Variants in MDGA2 observed in about 807,000 individuals in gnomAD.
The protein encoded by MDGA2 is MAM domain-containing glycosylphosphatidylinositol anchor protein 2.
Under a neutral mutation model 117.8 loss-of-function variants are expected in MDGA2, and 40 were observed. The ratio of observed to expected loss-of-function variants is 0.34; its 90% CI spans 0.26 to 0.44. MDGA2 has a LOEUF of 0.44. MDGA2 is among the 20% of genes least tolerant of loss of function. The pLI is 1.00. For missense variants in MDGA2, 1,123 were observed against 1,250.6 expected, an observed-to-expected ratio of 0.90 and a Z score of 1.54; for synonymous variants, 452 against 439.0, an observed-to-expected ratio of 1.03 and a Z score of -0.37.
At chr14:47,527,243 TC>T (rs1201644860) in intron 1 of MDGA2, among the ~76,000 whole-genome samples, 7 of 152,138 alleles carry the variant, frequency 4.6e-5, no homozygotes, top group Admixed American at 1.3e-4. Flanking sequence ...TAAAGCTAAT[TC>T]ACATTCATTG....
intron 15 of MDGA2, among the ~76,000 whole-genome samples, chr14:46,851,333 T>A (rs1275211944): frequency 6.6e-6 from 1 of 151,984 alleles, no homozygotes; most frequent in East Asian, 1.9e-4. Context: ...TGGTATATGA[T>A]GTAAAATTCA....
chr14:47,414,398 A>C (rs1375261132), intron 1 of MDGA2, among the ~76,000 whole-genome samples: 1 of 152,182 alleles, frequency 6.6e-6, no homozygotes, highest in African/African-American at 2.4e-5. Flanking sequence ...AAAATAAACT[A>C]TATAATTCAT....
intron 1 of MDGA2, among the ~76,000 whole-genome samples, chr14:47,501,360 C>G (rs908721179): frequency 1.3e-5 from 2 of 152,124 alleles, no homozygotes; most frequent in African/African-American, 2.4e-5. Flanking sequence ...AGCAGATATT[C>G]TTTGGCTCCA....
intron 2 of MDGA2, among the ~76,000 whole-genome samples, chr14:47,286,824 T>C (rs182701515): frequency 5.9e-4 from 61 of 104,188 alleles, no homozygotes; most frequent in Middle Eastern, 4.6e-3. Flanking sequence ...TATATATATA[T>C]ACATATATAT....
intron 5 of MDGA2, among the ~76,000 whole-genome samples, chr14:47,099,519 G>C (rs564172088): frequency 2.0e-4 from 30 of 151,998 alleles, no homozygotes; most frequent in African/African-American, 6.5e-4. Context: ...TCTTCTTATA[G>C]GTTTCCATAG....
chr14:47,503,938 A>T (rs1314539983), intron 1 of MDGA2, among the ~76,000 whole-genome samples: 2 of 152,114 alleles, frequency 1.3e-5, no homozygotes, highest in Non-Finnish European at 2.9e-5. Flanking sequence ...TTCCCTCTCT[A>T]AGTAAGGGTT....
chr14:47,320,736 A>C (rs976437796), intron 1 of MDGA2, among the ~76,000 whole-genome samples: 2 of 152,216 alleles, frequency 1.3e-5, no homozygotes, highest in South Asian at 4.1e-4. Flanking sequence ...TTAAACTTAC[A>C]TATAGTAAAC....
chr14:47,448,651 C>G (rs1955793), intron 1 of MDGA2, among the ~76,000 whole-genome samples: 103,129 of 152,010 alleles, frequency 0.68, 35,484 homozygotes, highest in African/African-American at 0.79. Flanking sequence ...CTCTTCAAAG[C>G]GCTCTTCATT....
At chr14:47,563,279 C>T (rs1422184805) in intron 1 of MDGA2, among the ~76,000 whole-genome samples, 1 of 151,884 alleles carries the variant, frequency 6.6e-6, no homozygotes, top group Admixed American at 6.6e-5. Flanking sequence ...AAATTCAGGC[C>T]CTGAATATTT....
intron 6 of MDGA2, among the ~76,000 whole-genome samples, chr14:47,085,092 A>G (rs1890849340): frequency 6.6e-6 from 1 of 152,188 alleles, no homozygotes; most frequent in Non-Finnish European, 1.5e-5. Context: ...TGAAAATAAG[A>G]AAGTATTTCA....
chr14:47,355,310 G>A (rs749327233), intron 1 of MDGA2, among the ~76,000 whole-genome samples: 24 of 152,068 alleles, frequency 1.6e-4, no homozygotes, highest in African/African-American at 5.6e-4. Flanking sequence ...GGCCCATTAG[G>A]GTGCATTCGC....
At chr14:47,235,761 T>G (rs1011269358) in intron 2 of MDGA2, among the ~76,000 whole-genome samples, 1 of 152,170 alleles carries the variant, frequency 6.6e-6, no homozygotes, top group Non-Finnish European at 1.5e-5. Flanking sequence ...CATTCCCTGA[T>G]GGGAGAAATA....
At chr14:47,312,473 T>G (rs565800423) in intron 1 of MDGA2, among the ~76,000 whole-genome samples, 20 of 152,200 alleles carry the variant, frequency 1.3e-4, no homozygotes, top group African/African-American at 4.1e-4. Context: ...CTAAGAAGTG[T>G]CATTAATAAT....
intron 8 of MDGA2, among the ~76,000 whole-genome samples, chr14:47,003,042 C>T (rs539756513): frequency 6.0e-4 from 92 of 152,240 alleles, no homozygotes; most frequent in African/African-American, 2.1e-3. Flanking sequence ...ATGATCTACT[C>T]TCTCTCACCG....
chr14:47,561,179 G>GTTTTTTTTTTTTTTTTTTTTTTT (rs1299123339), intron 1 of MDGA2, among the ~76,000 whole-genome samples: 1 of 71,624 alleles, frequency 1.4e-5, no homozygotes, highest in African/African-American at 4.7e-5. Context: ...TTGTTTGTTT[G>GTTTTTTTTTTTTTTTTTTTTTTT]TTTTTTTTTG....
At chr14:47,182,830 G>C (rs1179822256) in intron 3 of MDGA2, among the ~76,000 whole-genome samples, 2 of 151,996 alleles carry the variant, frequency 1.3e-5, no homozygotes, top group Non-Finnish European at 2.9e-5. Context: ...AAACAAATTA[G>C]ACTGCTTTTT....
chr14:47,454,913 C>T (rs768521166), intron 1 of MDGA2, among the ~76,000 whole-genome samples: 1 of 152,130 alleles, frequency 6.6e-6, no homozygotes, highest in African/African-American at 2.4e-5. Flanking sequence ...GAAATGGGGA[C>T]TGTTGGGAAG....
At chr14:47,124,601 T>C (rs1338629512) in intron 5 of MDGA2, among the ~76,000 whole-genome samples, 1 of 152,132 alleles carries the variant, frequency 6.6e-6, no homozygotes, top group Non-Finnish European at 1.5e-5. Context: ...CTGAATTGTG[T>C]CTTTCCCTCC....
chr14:46,994,596 C>T (rs1887218456), intron 8 of MDGA2, among the ~76,000 whole-genome samples: 1 of 151,880 alleles, frequency 6.6e-6, no homozygotes, highest in African/African-American at 2.4e-5. Context: ...TAAAAATGAA[C>T]ATCAACAGAC....
Sources: allele counts gnomAD v4.1 joint callset (sites outside exome capture counted in the v4.1 genomes callset), GRCh38; gene constraint gnomAD v4.1.1; transcripts MANE v1.5; gene names NCBI Gene and HGNC (gene_info 2026-07-23, HGNC 2026-07-21).